Variants in CLDN16 observed in about 807,000 individuals in gnomAD.
CLDN16 encodes claudin 16, also known as claudin-16.
In CLDN16, 13 loss-of-function variants were observed where a neutral mutation model predicts 24.6. That is an observed-to-expected ratio of 0.53 (90% CI 0.34 to 0.84). CLDN16 has a LOEUF of 0.84. CLDN16 is among the 40% of genes least tolerant of loss of function. The pLI, the probability that CLDN16 is intolerant of heterozygous loss-of-function variation, is 0.01. For synonymous variants in CLDN16, 116 were observed against 106.7 expected, an observed-to-expected ratio of 1.09 and a Z score of -0.54; for missense variants, 298 against 292.7, an observed-to-expected ratio of 1.02 and a Z score of -0.13.
At chr3:190,323,067 C>T (rs938909560) in intron 1 of CLDN16, among the ~76,000 whole-genome samples, 1 of 150,744 alleles carries the variant, frequency 6.6e-6, no homozygotes, top group Admixed American at 6.6e-5. Context: ...TACTTGGCTC[C>T]CCTCCCAATC....
At chr3:190,340,794 C>A (rs1717410218) in intron 1 of CLDN16, among the ~76,000 whole-genome samples, 1 of 152,128 alleles carries the variant, frequency 6.6e-6, no homozygotes, top group African/African-American at 2.4e-5. Flanking sequence ...AAATCAAAAT[C>A]AAGTTAGTTA....
chr3:190,390,009 G>C (rs181016047), intron 1 of CLDN16, among the ~76,000 whole-genome samples: 7 of 152,298 alleles, frequency 4.6e-5, no homozygotes, highest in African/African-American at 1.7e-4. Flanking sequence ...TGCTGAGAGA[G>C]AGATTGAGAG....
chr3:190,302,405 G>C, the CLDN16 span, among the ~76,000 whole-genome samples: 1 of 152,058 alleles, frequency 6.6e-6, no homozygotes, highest in Non-Finnish European at 1.5e-5. Flanking sequence ...ATTCATGGCT[G>C]CTGGGTTGCA....
chr3:190,313,549 A>G, the CLDN16 span, among the ~76,000 whole-genome samples: 2 of 152,226 alleles, frequency 1.3e-5, no homozygotes, highest in African/African-American at 2.4e-5. Context: ...TAAATGTTTT[A>G]TAGATTATCA....
At chr3:190,364,508 C>T (rs780451225) in intron 1 of CLDN16, among the ~76,000 whole-genome samples, 4 of 152,058 alleles carry the variant, frequency 2.6e-5, no homozygotes, top group Non-Finnish European at 5.9e-5. Flanking sequence ...TCCATCTCTA[C>T]CAGATCCCAG....
intron 1 of CLDN16, among the ~76,000 whole-genome samples, chr3:190,329,033 A>G (rs565948543): frequency 6.6e-6 from 1 of 152,332 alleles, no homozygotes; most frequent in South Asian, 2.1e-4. Context: ...CAGGATTTGC[A>G]TGCCAAGCTA....
chr3:190,362,610 T>C (rs1050463843), intron 1 of CLDN16, among the ~76,000 whole-genome samples: 2 of 152,036 alleles, frequency 1.3e-5, no homozygotes, highest in African/African-American at 4.8e-5. Context: ...ATTGGCTCTG[T>C]CTAGGCAGCC....
intron 1 of CLDN16, among the ~76,000 whole-genome samples, chr3:190,338,915 C>T (rs1031502803): frequency 6.6e-6 from 1 of 152,140 alleles, no homozygotes; most frequent in African/African-American, 2.4e-5. Context: ...CAGGTCTTGG[C>T]TGATAACTGC....
At chr3:190,334,189 G>A (rs79791112) in intron 1 of CLDN16, among the ~76,000 whole-genome samples, 3,725 of 152,280 alleles carry the variant, frequency 0.024, 150 homozygotes, top group African/African-American at 0.085. Context: ...GGAGTACAGA[G>A]TGATTGTTGT....
intron 1 of CLDN16, among the ~76,000 whole-genome samples, chr3:190,331,037 C>CA (rs2108622990): frequency 6.6e-6 from 1 of 152,260 alleles, no homozygotes; most frequent in East Asian, 1.9e-4. Flanking sequence ...AGAAAGAGGA[C>CA]AGAGTGCAAC....
At chr3:190,409,186 A>G (rs34910816) in intron 4 of CLDN16, among the ~76,000 whole-genome samples, 13,339 of 99,394 alleles carry the variant, frequency 0.13, 721 homozygotes, top group East Asian at 0.19. Flanking sequence ...ATGTATATAT[A>G]CACACACGTA....
chr3:190,363,356 C>G (rs143106263), intron 1 of CLDN16, among the ~76,000 whole-genome samples: 1 of 151,302 alleles, frequency 6.6e-6, no homozygotes, highest in East Asian at 2.0e-4. Context: ...TTCAATCTGT[C>G]TTTACCTGTA....
chr3:190,405,951 T>C (rs1719086282), intron 3 of CLDN16, among the ~76,000 whole-genome samples: 1 of 152,334 alleles, frequency 6.6e-6, no homozygotes, highest in South Asian at 2.1e-4. Context: ...AAAAATCTTG[T>C]CTGCTAACAA....
the CLDN16 span, among the ~76,000 whole-genome samples, chr3:190,315,360 G>C: frequency 4.6e-4 from 70 of 152,146 alleles, no homozygotes; most frequent in Non-Finnish European, 5.0e-4. Flanking sequence ...GGGAGAGCTG[G>C]TCATCCTAAC....
In CLDN16 at chr3:190,359,970, A is replaced by G. The variant is rs375404480; in HGVS notation, n.122-10923A>G. ...TTGAATGCTTCTCTTGGCCAAGATG[A>G]CACTCTGGCTAGGGCTGGAATTCTT... On this transcript the variant is annotated intron_variant and non_coding_transcript_variant, in intron 1 of 4. Coordinates refer to the CLDN16 transcript ENST00000468220. Among the ~76,000 whole-genome samples, 71 of 152,104 alleles carry G rather than the reference A, an allele frequency of 4.7e-4. No individual in the cohort carries two copies. In the East Asian group the frequency reaches 7.4e-3, roughly 16 times the overall value.
In CLDN16 at chr3:190,326,523, G is replaced by C. The variant is rs555645275; in HGVS notation, n.121+3862G>C. 5.9e-5 allele frequency among the ~76,000 whole-genome samples: 9 copies of C among 152,272 alleles called. No homozygotes were observed. In the South Asian group the frequency reaches 1.9e-3, roughly 32 times the overall value. ...CCTCCTAGCTCTGGATAGTTTCCCTGGTTAGGACTAATGCCTGAGGGCTTC... is the reference window on the plus strand; with the variant it reads ...CCTCCTAGCTCTGGATAGTTTCCCTCGTTAGGACTAATGCCTGAGGGCTTC... On this transcript the variant is annotated intron_variant and non_coding_transcript_variant, in intron 1 of 4. Transcript: ENST00000468220.
upstream of CLDN16, among the ~76,000 whole-genome samples, chr3:190,319,769 T>G (rs1433705405): frequency 6.6e-6 from 1 of 152,204 alleles, no homozygotes; most frequent in Non-Finnish European, 1.5e-5. Context: ...CATCTCTACA[T>G]GTAACAAAAC....
intron 1 of CLDN16, among the ~76,000 whole-genome samples, chr3:190,365,738 G>A (rs73192441): frequency 0.18 from 26,529 of 151,152 alleles, 2,786 homozygotes; most frequent in East Asian, 0.49. Context: ...TATATACACA[G>A]TCTCCCAGAT....
chr3:190,376,871 A>G (rs1718259486), intron 3 of CLDN16, among the ~76,000 whole-genome samples: 1 of 151,984 alleles, frequency 6.6e-6, no homozygotes, highest in Admixed American at 6.6e-5. Flanking sequence ...AGAAATGGCA[A>G]TGCCTGTAAA....
Sources: gnomAD v4.1 joint callset for allele counts (sites outside exome capture counted in the v4.1 genomes callset) on GRCh38, gnomAD v4.1.1 for gene constraint, MANE v1.5 for transcripts, NCBI Gene and HGNC (gene_info 2026-07-23, HGNC 2026-07-21) for gene names.